Variants in FGF12 observed in about 807,000 individuals in gnomAD.
FGF12 encodes the protein fibroblast growth factor 12.
A neutral mutation model predicts 23.6 loss-of-function variants in FGF12; 14 were observed. That is an observed-to-expected ratio of 0.59 (90% CI 0.39 to 0.93). FGF12 has a LOEUF of 0.93. FGF12 is among the 40% of genes least tolerant of loss of function. FGF12 has a pLI of 0.00. For missense variants in FGF12, 175 were observed against 217.8 expected, an observed-to-expected ratio of 0.80 and a Z score of 1.24; for synonymous variants, 62 against 77.3, an observed-to-expected ratio of 0.80 and a Z score of 1.04.
In FGF12 at chr3:192,170,663, G is replaced by GAA. The variant is rs34265167; in HGVS notation, c.229-9_229-8dup. The GAA allele has an allele frequency of 3.5e-5, 51 of 1,438,346 alleles. No individual in the cohort carries two copies. The highest frequency in any genetic ancestry group is 1.7e-4 in the East Asian group (7 of 42,220). The allele number at this position is 1,438,346 out of a possible 1,614,324, so 89.1% of individuals were successfully genotyped here. On this transcript the variant is annotated splice_region_variant and splice_polypyrimidine_tract_variant and intron_variant, in intron 4 of 5. Coordinates refer to ENST00000445105, the MANE Select transcript of FGF12 (RefSeq NM_004113.6). ...ATTCTGGAGTGAAAACATCCTGTAG[G>GAA]AAAAAAAAAAAAAGACACAAAAAAG... is the stretch of plus-strand genomic sequence containing the variant.
intron 2 of FGF12, among the ~76,000 whole-genome samples, chr3:192,569,988 A>G (rs988070541): frequency 6.6e-6 from 1 of 152,256 alleles, no homozygotes; most frequent in African/African-American, 2.4e-5. Flanking sequence ...ACACTGAGCC[A>G]GTGCCGTAAA....
chr3:192,577,323 T>C (rs1317406463), intron 2 of FGF12, among the ~76,000 whole-genome samples: 1 of 152,244 alleles, frequency 6.6e-6, no homozygotes, highest in African/African-American at 2.4e-5. Flanking sequence ...ACTGTGAGCA[T>C]ATTGTCCTTA....
chr3:192,203,562 T>C (rs1049914620), intron 4 of FGF12, among the ~76,000 whole-genome samples: 14 of 146,832 alleles, frequency 9.5e-5, no homozygotes, highest in African/African-American at 1.6e-4. Context: ...CTCTTTTTTC[T>C]TTACTTTTTT....
At chr3:192,495,918 C>T (rs1259047763) in intron 2 of FGF12, among the ~76,000 whole-genome samples, 3 of 152,136 alleles carry the variant, frequency 2.0e-5, no homozygotes, top group Non-Finnish European at 2.9e-5. Context: ...CCATCCCGGC[C>T]TCCCAAATTG....
At chr3:192,652,144 A>T (rs1716235299) in intron 2 of FGF12, among the ~76,000 whole-genome samples, 1 of 152,222 alleles carries the variant, frequency 6.6e-6, no homozygotes. Flanking sequence ...ATTAAAGTGG[A>T]TAAAACGAAT....
chr3:192,189,587 C>T (rs1379457771), intron 4 of FGF12, among the ~76,000 whole-genome samples: 2 of 152,104 alleles, frequency 1.3e-5, no homozygotes, highest in Non-Finnish European at 2.9e-5. Flanking sequence ...TCTTTCCAAG[C>T]TGACTAGTGT....
chr3:192,326,025 T>C (rs567946049), intron 4 of FGF12, among the ~76,000 whole-genome samples: 1 of 152,260 alleles, frequency 6.6e-6, no homozygotes, highest in African/African-American at 2.4e-5. Context: ...CAGTGAATTA[T>C]TGCCAAAATT....
At position 192,408,946 on chromosome 3, in the gene FGF12, C is replaced by T; in HGVS notation, c.14-48408G>A. The T allele has an allele frequency of 1.0e-6, 1 of 984,868 alleles. No individual in the cohort carries two copies. Among genetic ancestry groups the T allele is most frequent in the Non-Finnish European group, 1.2e-6 (1 of 829,854 alleles). 61.0% of individuals were successfully genotyped at this position (984,868 alleles called of 1,614,324 possible). Reference sequence around the variant, plus strand: ...GCCGGCCACCCGAGTTCTGGAATTCCGAGAGGCGCGAAGTGGGAGCGGTTA... The same window carrying T: ...GCCGGCCACCCGAGTTCTGGAATTCTGAGAGGCGCGAAGTGGGAGCGGTTA... On this transcript the variant is annotated intron_variant, in intron 2 of 5. Coordinates refer to ENST00000445105, the MANE Select transcript of FGF12 (RefSeq NM_004113.6). This position sits in a 1 kb window ranked among gnomAD's most constrained non-coding sequence, Gnocchi z 7.3.
At chr3:192,660,050 C>T (rs1161448847) in intron 2 of FGF12, among the ~76,000 whole-genome samples, 3 of 151,848 alleles carry the variant, frequency 2.0e-5, no homozygotes, top group Admixed American at 1.3e-4. Context: ...GCTATAAAGA[C>T]ACACACACAC....
intron 5 of FGF12, among the ~76,000 whole-genome samples, chr3:192,149,323 TA>T (rs781024751): frequency 2.1e-5 from 3 of 141,936 alleles, no homozygotes; most frequent in Non-Finnish European, 4.7e-5. Context: ...ACCTTTTTTT[TA>T]TTATTATACT....
At chr3:192,348,139 G>A (rs1249129959) in intron 3 of FGF12, among the ~76,000 whole-genome samples, 1 of 152,166 alleles carries the variant, frequency 6.6e-6, no homozygotes, top group East Asian at 1.9e-4. Context: ...GGAGCAAGGA[G>A]TTCTCTTTAG....
intron 2 of FGF12, among the ~76,000 whole-genome samples, chr3:192,373,030 A>G (rs1344444073): frequency 6.6e-6 from 1 of 152,068 alleles, no homozygotes; most frequent in Non-Finnish European, 1.5e-5. Context: ...AATTTCATAG[A>G]GGTCTTGTCT....
chr3:192,650,343 T>A lies in FGF12; in HGVS notation c.13+76838A>T, dbSNP rs140650436. On this transcript the variant is annotated intron_variant, in intron 2 of 5. Coordinates refer to ENST00000445105, the MANE Select transcript of FGF12 (RefSeq NM_004113.6). ...CTACCGACTTACAACCACTTGAATA[T>A]GCCATACTGTTTCACATCTCCATGC... Among the ~76,000 whole-genome samples the A allele has an allele frequency of 3.1e-3, 473 of 152,358 alleles. 5 individuals are homozygous for A. Among genetic ancestry groups the A allele is most frequent in the Non-Finnish European group, 4.0e-3 (271 of 68,024 alleles).
chr3:192,265,278 C>T (rs911060034), intron 4 of FGF12: 1 of 152,028 alleles, frequency 6.6e-6, no homozygotes, highest in Non-Finnish European at 1.5e-5. Flanking sequence ...TAGTAACATC[C>T]GATGTTATAT....
chr3:192,233,117 A>G (rs1157938607), intron 4 of FGF12, among the ~76,000 whole-genome samples: 1 of 152,166 alleles, frequency 6.6e-6, no homozygotes, highest in Non-Finnish European at 1.5e-5. Flanking sequence ...AAGTTCTTTG[A>G]GAAATCTCTG....
chr3:192,585,002 G>A (rs961335295), intron 2 of FGF12, among the ~76,000 whole-genome samples: 1 of 145,886 alleles, frequency 6.9e-6, no homozygotes, highest in African/African-American at 2.6e-5. Flanking sequence ...TTAAAGACAA[G>A]ATGTGGTTCA....
At chr3:192,634,670 CAAG>C (rs1263515764) in intron 2 of FGF12, among the ~76,000 whole-genome samples, 1 of 151,940 alleles carries the variant, frequency 6.6e-6, no homozygotes, top group Non-Finnish European at 1.5e-5. Context: ...TACTTTGTTC[CAAG>C]AAGGTGTACA....
At chr3:192,536,618 T>C (rs2108853981) in intron 2 of FGF12, among the ~76,000 whole-genome samples, 1 of 152,162 alleles carries the variant, frequency 6.6e-6, no homozygotes, top group East Asian at 1.9e-4. Context: ...TTTAAAAATA[T>C]ATATATAAAA....
chr3:192,589,919 G>GTGAT (rs1246843073), intron 2 of FGF12, among the ~76,000 whole-genome samples: 4 of 151,912 alleles, frequency 2.6e-5, no homozygotes, highest in African/African-American at 7.2e-5. Flanking sequence ...GGGAAGAATA[G>GTGAT]TGATTGTTCA....
Sources: gnomAD v4.1 joint callset for allele counts (sites outside exome capture counted in the v4.1 genomes callset) on GRCh38, gnomAD v4.1.1 for gene constraint, Gnocchi (gnomAD v3.1) non-coding constraint, MANE v1.5 for transcripts, NCBI Gene and HGNC (gene_info 2026-07-23, HGNC 2026-07-21) for gene names.